The following SDCCAG8 variants were observed in gnomAD, a reference collection of about 807,000 sequenced individuals.
The protein encoded by SDCCAG8 is serologically defined colon cancer antigen 8.
A neutral mutation model predicts 101.8 loss-of-function variants in SDCCAG8; 74 were observed. The ratio of observed to expected loss-of-function variants is 0.73; its 90% CI spans 0.60 to 0.88. The LOEUF (loss-of-function observed/expected upper bound fraction) is 0.88, where lower values mean the gene tolerates loss of function less well. Among genes scored for constraint, SDCCAG8 ranks in the 40% least tolerant of loss-of-function variants. The pLI, the probability that SDCCAG8 is intolerant of heterozygous loss-of-function variation, is 0.00. For synonymous variants in SDCCAG8, 281 were observed against 292.9 expected (o/e 0.96, Z 0.41); for missense variants, 787 against 822.6 (o/e 0.96, Z 0.53).
intron 16 of SDCCAG8, among the ~76,000 whole-genome samples, chr1:243,486,736 C>T (rs1369612118): frequency 6.6e-6 from 1 of 152,208 alleles, no homozygotes; most frequent in East Asian, 1.9e-4. Flanking sequence ...TCCAAAGGAC[C>T]ATCATCTCAT....
At chr1:243,327,907 GTTTGTTTGTTTTT>G (rs1206343301) in intron 9 of SDCCAG8, among the ~76,000 whole-genome samples, 1 of 152,114 alleles carries the variant, frequency 6.6e-6, no homozygotes, top group Non-Finnish European at 1.5e-5. Flanking sequence ...TGTTTGTTTT[GTTTGTTTGTTTTT>G]GAGATGGAGT....
At chr1:243,306,256 C>CT (rs2072117568) in intron 7 of SDCCAG8, 1 of 151,966 alleles carries the variant, frequency 6.6e-6, no homozygotes, top group Admixed American at 6.6e-5. Context: ...AAAAAATACT[C>CT]TAATTTTTGC....
In SDCCAG8 at chr1:243,474,395, G is replaced by A. The variant is rs746266202; in HGVS notation, c.1986-14619G>A. Among the ~76,000 whole-genome samples, 21 of 152,158 alleles carry A rather than the reference G, an allele frequency of 1.4e-4. No homozygotes were observed. Among genetic ancestry groups the A allele is most frequent in the Non-Finnish European group, 2.6e-4 (18 of 68,014 alleles). On this transcript the variant is annotated intron_variant, in intron 16 of 17. Coordinates refer to ENST00000366541, the MANE Select transcript of SDCCAG8 (RefSeq NM_006642.5). The surrounding 1 kb of genome is among the most constrained non-coding windows in gnomAD (Gnocchi z 4.7). ...TCCGCACCCAGCCTCCCCAAGCCCC[G>A]GCCGGCTGCCCTCCAGGTGCGGGCT...
At chr1:243,314,134 A>G (rs2073021556) in intron 8 of SDCCAG8, among the ~76,000 whole-genome samples, 1 of 152,246 alleles carries the variant, frequency 6.6e-6, no homozygotes. Context: ...AGATAATCCT[A>G]AATTGCCAAA....
intron 10 of SDCCAG8, among the ~76,000 whole-genome samples, chr1:243,337,932 A>G (rs1200546851): frequency 6.6e-6 from 1 of 152,130 alleles, no homozygotes; most frequent in Non-Finnish European, 1.5e-5. Flanking sequence ...GGATTTAATT[A>G]TTATTAGAGA....
At chr1:243,293,402 T>C (rs1319314728) in intron 6 of SDCCAG8, 183 bp downstream of exon 6, 1 of 748,444 alleles carries the variant, frequency 1.3e-6, no homozygotes, top group African/African-American at 1.7e-5. Context: ...TTTTCAGAAC[T>C]TTTTGATCAT....
intron 13 of SDCCAG8, among the ~76,000 whole-genome samples, chr1:243,413,703 G>A (rs1313039916): frequency 1.3e-5 from 2 of 152,152 alleles, no homozygotes; most frequent in African/African-American, 4.8e-5. Flanking sequence ...ATGCATTTAT[G>A]TCACCCAATT....
intron 13 of SDCCAG8, among the ~76,000 whole-genome samples, chr1:243,393,325 A>T (rs1296278818): frequency 6.6e-6 from 1 of 151,952 alleles, no homozygotes; most frequent in Non-Finnish European, 1.5e-5. Context: ...CTGGCAGGGG[A>T]GGGGCTCCTT....
chr1:243,270,227 G>T lies in SDCCAG8; in HGVS notation c.190G>T (p.Ala64Ser). The T allele has an allele frequency of 6.2e-7, 1 of 1,614,138 alleles. No homozygotes were observed. The highest frequency in any genetic ancestry group is 8.5e-7 in the Non-Finnish European group (1 of 1,179,996). Residue 64 changes from alanine to serine, a missense_variant, in exon 2 of 18, where the codon GCC becomes TCC. Ala to Ser is a moderately conservative substitution (Grantham distance 99). Transcript: ENST00000366541. ...TGTGGGAAATGAGGACGCCAGGACA[G>T]CCTGGCCCGAATTACAACAGAGCCA... The part of the protein sequence containing the change: ...TSVGNEDART[A>S]WPELQQSHAV...
intron 16 of SDCCAG8, among the ~76,000 whole-genome samples, chr1:243,443,528 C>T (rs926966206): frequency 6.6e-6 from 1 of 152,198 alleles, no homozygotes; most frequent in Non-Finnish European, 1.5e-5. Context: ...TTTAAAGCCC[C>T]AGCAGGTAAC....
intron 12 of SDCCAG8, among the ~76,000 whole-genome samples, chr1:243,359,023 CGG>C (rs1558350478): frequency 6.6e-6 from 1 of 152,122 alleles, no homozygotes; most frequent in African/African-American, 2.4e-5. Context: ...GTTCTAAAAT[CGG>C]TTGTGGTAAT....
At chr1:243,455,332 C>T (rs1369670335) in intron 16 of SDCCAG8, among the ~76,000 whole-genome samples, 1 of 152,132 alleles carries the variant, frequency 6.6e-6, no homozygotes, top group Non-Finnish European at 1.5e-5. Context: ...TGCAGTGGTG[C>T]TATGTCAGCT....
At chr1:243,367,635 A>G (rs1036037006) in intron 12 of SDCCAG8, among the ~76,000 whole-genome samples, 15 of 151,858 alleles carry the variant, frequency 9.9e-5, no homozygotes, top group African/African-American at 3.4e-4. Flanking sequence ...AAGGAGTCCC[A>G]GTTTCTTCCT....
chr1:243,296,471 CTCCTATTCTTGCTTCAGTATGCT>C (rs1293112542), intron 6 of SDCCAG8, among the ~76,000 whole-genome samples: 1 of 150,036 alleles, frequency 6.7e-6, no homozygotes, highest in African/African-American at 2.4e-5. Flanking sequence ...ACTTCTTTAC[CTCCTATTCTTGCTTCAGTATGCT>C]TCAGTTGAGC....
intron 17 of SDCCAG8, among the ~76,000 whole-genome samples, chr1:243,493,476 T>G (rs919711306): frequency 1.3e-5 from 2 of 152,192 alleles, no homozygotes; most frequent in African/African-American, 2.4e-5. Flanking sequence ...TTTCTGTGTC[T>G]GCTTTCTTAT....
intron 12 of SDCCAG8, among the ~76,000 whole-genome samples, chr1:243,354,620 G>C (rs187702851): frequency 1.3e-5 from 2 of 152,272 alleles, no homozygotes; most frequent in Admixed American, 6.5e-5. Flanking sequence ...TCTTCGGCCA[G>C]AGTTTCTTAG....
chr1:243,496,260 C>T (rs972387734), intron 17 of SDCCAG8, among the ~76,000 whole-genome samples: 1 of 152,202 alleles, frequency 6.6e-6, no homozygotes, highest in Non-Finnish European at 1.5e-5. Flanking sequence ...GGCAGGTACC[C>T]GAGCGGGTGC....
At chr1:243,419,916 T>C (rs897424504) in intron 15 of SDCCAG8, among the ~76,000 whole-genome samples, 2 of 152,216 alleles carry the variant, frequency 1.3e-5, no homozygotes, top group African/African-American at 4.8e-5. Context: ...CCTGTACTGG[T>C]CTAACTCAGA....
intron 8 of SDCCAG8, 27 bp from the exon 9 acceptor site, chr1:243,316,728 T>C: frequency 2.5e-6 from 4 of 1,614,014 alleles, no homozygotes; most frequent in Non-Finnish European, 2.5e-6. Context: ...TCATTTCTTG[T>C]TTTGAATGTT....
Sources: gnomAD v4.1 joint callset for allele counts (sites outside exome capture counted in the v4.1 genomes callset) on GRCh38, gnomAD v4.1.1 for gene constraint, Gnocchi (gnomAD v3.1) non-coding constraint, MANE v1.5 for transcripts, NCBI Gene and HGNC (gene_info 2026-07-23, HGNC 2026-07-21) for gene names.